CYBA: variants seen among roughly 807,000 people sequenced by gnomAD.
The protein encoded by CYBA is cytochrome b-245 alpha chain.
A neutral mutation model predicts 20.8 loss-of-function variants in CYBA; 21 were observed. The observed-to-expected ratio is 1.01, with a 90% CI of 0.72 to 1.46. The LOEUF (loss-of-function observed/expected upper bound fraction) is 1.46. Ranked by LOEUF, CYBA falls within the 40% of genes most tolerant of loss-of-function variation. CYBA has a pLI of 0.00. For missense variants in CYBA, 344 were observed against 287.0 expected, an observed-to-expected ratio of 1.20 and a Z score of -1.43; for synonymous variants, 164 against 127.5, an observed-to-expected ratio of 1.29 and a Z score of -1.93.
At position 88,645,058 on chromosome 16, in the gene CYBA, A is replaced by G. The variant is rs4782391; in HGVS notation, c.369+1058T>C. ...ATGGCTGGTGGTGGGTTGTCTGCTG[A>G]GGAGCAGCTGAGCCCGGCAGGGTGA... On this transcript the variant is annotated intron_variant, in intron 5 of 5. Transcript: ENST00000261623. 575,186 of 647,940 alleles carry G rather than the reference A, an allele frequency of 0.89. 257,467 individuals carry two copies. The highest frequency in any genetic ancestry group is 0.97 in the East Asian group (35,716 of 36,682). The allele number at this position is 647,940 out of a possible 1,614,324, so 40.1% of individuals were successfully genotyped here. A position where few individuals can be genotyped will look rare whatever the true frequency, so the allele number is the denominator to read the frequency against.
At chr16:88,645,595 G>A in intron 5 of CYBA, 4 of 613,184 alleles carry the variant, frequency 6.5e-6, no homozygotes, top group Non-Finnish European at 1.2e-5. Flanking sequence ...ACCCATCCCT[G>A]GCCTCTCAGA....
chr16:88,646,536 G>A (rs776412021), intron 4 of CYBA: 64 of 700,526 alleles, frequency 9.1e-5, no homozygotes, highest in South Asian at 2.7e-4. Flanking sequence ...CCCTGGCGAC[G>A]GATCGGAGCT....
chr16:88,650,326 C>T (rs762909472), intron 1 of CYBA: 4 of 454,934 alleles, frequency 8.8e-6, no homozygotes, highest in Non-Finnish European at 1.8e-5. Context: ...CTGCCCTCAC[C>T]AGAACCTCTG....
chr16:88,645,311 C>T (rs773934627), intron 5 of CYBA: 8 of 702,346 alleles, frequency 1.1e-5, no homozygotes, highest in Admixed American at 8.0e-5. Flanking sequence ...TGAAACAGAA[C>T]TCCACTTCCA....
intron 1 of CYBA, chr16:88,650,710 A>G: frequency 1.6e-6 from 1 of 614,270 alleles, no homozygotes; most frequent in South Asian, 1.8e-5. Context: ...GAGAGAAGGG[A>G]ATGGGGGAGG....
intron 1 of CYBA, chr16:88,650,232 C>G (rs1176680920): frequency 2.6e-6 from 1 of 382,792 alleles, no homozygotes; most frequent in Non-Finnish European, 5.4e-6. Flanking sequence ...GCCCTCAGAC[C>G]TCGCCTGAGC....
intron 5 of CYBA, chr16:88,644,717 C>G (rs1231112719): frequency 1.1e-5 from 2 of 187,238 alleles, no homozygotes; most frequent in Non-Finnish European, 2.3e-5. Context: ...CCCAGCTACT[C>G]GGGAGGCTGA....
chr16:88,644,854 A>G (rs1407667026), intron 5 of CYBA: 2 of 404,456 alleles, frequency 4.9e-6, no homozygotes, highest in East Asian at 8.7e-5. Context: ...GAAAAATACA[A>G]AAACCACAAT....
intron 4 of CYBA, 64 bp from the exon 5 acceptor site, chr16:88,646,261 A>C: frequency 4.7e-6 from 4 of 852,480 alleles, no homozygotes; most frequent in Non-Finnish European, 5.8e-6. Flanking sequence ...ACGGAGCCCC[A>C]GGTCTGGGGG....
chr16:88,643,425 A>C lies in CYBA; in HGVS notation c.516T>G (p.Ala172=), dbSNP rs1907154868. 2 of 1,534,788 alleles carry C rather than the reference A, an allele frequency of 1.3e-6. No individual in the cohort carries two copies. Among genetic ancestry groups the C allele is most frequent in the African/African-American group, 1.4e-5 (1 of 71,908 alleles). Residue 172 remains alanine, a synonymous_variant, in exon 6 of 6, where the codon GCT becomes GCG. Coordinates refer to ENST00000261623, the MANE Select transcript of CYBA (RefSeq NM_000101.4). The surrounding 1 kb of genome is among the most constrained non-coding windows in gnomAD (Gnocchi z 4.3). The part of the protein sequence containing the change: ...EARKKPSEEE[A]AVAAGGPPGG... Reference sequence around the variant, plus strand: ...CCGGGGGTCCCCCCGCCGCCACCGCAGCCTCCTCCTCGCTGGGCTTCTTGC... The same window carrying C: ...CCGGGGGTCCCCCCGCCGCCACCGCCGCCTCCTCCTCGCTGGGCTTCTTGC...
chr16:88,645,348 C>T (rs781421461), intron 5 of CYBA: 2 of 702,468 alleles, frequency 2.8e-6, no homozygotes, highest in Admixed American at 4.0e-5. Context: ...ACAGAAAGTG[C>T]TGCACCTTTC....
chr16:88,649,098 C>G (rs866657039), intron 1 of CYBA, among the ~76,000 whole-genome samples: 3 of 151,684 alleles, frequency 2.0e-5, no homozygotes, highest in Admixed American at 6.6e-5. Flanking sequence ...CCACCATACC[C>G]GGCTAATTTT....
At chr16:88,647,911 C>T in intron 2 of CYBA, 134 bp downstream of exon 2, 2 of 884,332 alleles carry the variant, frequency 2.3e-6, no homozygotes, top group Non-Finnish European at 3.6e-6. Flanking sequence ...GGCTGCCCAA[C>T]CCGTGCACAG....
At chr16:88,645,835 A>G in intron 5 of CYBA, 5 of 560,578 alleles carry the variant, frequency 8.9e-6, no homozygotes, top group South Asian at 8.9e-5. Context: ...GAGCCTCCGC[A>G]TCTTTGTCTG....
In CYBA at chr16:88,648,118, C is replaced by T. The variant is rs199989792; in HGVS notation, c.59-4G>A. 8.0e-4 allele frequency: 1,292 copies of T among 1,609,750 alleles called. 5 individuals carry two copies. The African/African-American group carries it at 0.014, about 18-fold the overall frequency. ...ACGATGCCCCCGGTGATGAGGACTG[C>T]GGGGAGAAGTGGGTCAGGCACTGTG... On this transcript the variant is annotated splice_polypyrimidine_tract_variant and splice_region_variant and intron_variant, in intron 1 of 5. Transcript: ENST00000261623.
At position 88,651,038 on chromosome 16, in the gene CYBA, C is replaced by A; in HGVS notation, c.-25G>T. 1 of 1,580,552 alleles carries A rather than the reference C, an allele frequency of 6.3e-7. No homozygotes were observed. On this transcript the variant is annotated 5_prime_UTR_variant, in exon 1 of 6. Coordinates refer to ENST00000261623, the MANE Select transcript of CYBA (RefSeq NM_000101.4). ...TGGCGACACGAACCCGGCTGGGACACTGCTAGGCGCGCACTGCCGCCCCTG... is the reference window on the plus strand; with the variant it reads ...TGGCGACACGAACCCGGCTGGGACAATGCTAGGCGCGCACTGCCGCCCCTG...
intron 1 of CYBA, among the ~76,000 whole-genome samples, chr16:88,648,554 G>A (rs139075503): frequency 2.6e-5 from 4 of 152,000 alleles, no homozygotes; most frequent in African/African-American, 7.2e-5. Flanking sequence ...CCTTAATTTC[G>A]GTTTCGTCTG....
intron 1 of CYBA, chr16:88,650,560 C>T: frequency 6.0e-6 from 3 of 496,944 alleles, no homozygotes; most frequent in Non-Finnish European, 1.2e-5. Context: ...AGCTGGCTAC[C>T]GAGGGGCAGG....
chr16:88,650,724 G>A, intron 1 of CYBA: 1 of 611,592 alleles, frequency 1.6e-6, no homozygotes, highest in Non-Finnish European at 2.9e-6. Flanking sequence ...GGGGAGGGGC[G>A]CCGCGCTCCG....
Sources: gnomAD v4.1 joint callset for allele counts (sites outside exome capture counted in the v4.1 genomes callset) on GRCh38, gnomAD v4.1.1 for gene constraint, Gnocchi (gnomAD v3.1) non-coding constraint, MANE v1.5 for transcripts, NCBI Gene and HGNC (gene_info 2026-07-23, HGNC 2026-07-21) for gene names.